The following OSBPL10 variants were observed in gnomAD, a reference collection of about 807,000 sequenced individuals.
OSBPL10 encodes the protein oxysterol-binding protein-related protein 10.
In OSBPL10, 49 loss-of-function variants were observed where a neutral mutation model predicts 81.7. That is an observed-to-expected ratio of 0.60 (90% CI 0.48 to 0.76). The LOEUF (loss-of-function observed/expected upper bound fraction) is 0.76. Ranked by LOEUF, OSBPL10 falls within the 30% of genes least tolerant of loss-of-function variation. The pLI is 0.00. For synonymous variants in OSBPL10, 419 were observed against 383.6 expected, an observed-to-expected ratio of 1.09 and a Z score of -1.08; for missense variants, 923 against 987.8, an observed-to-expected ratio of 0.93 and a Z score of 0.88.
At chr3:31,680,257 T>C (rs753404805) in intron 8 of OSBPL10, among the ~76,000 whole-genome samples, 5 of 152,298 alleles carry the variant, frequency 3.3e-5, no homozygotes, top group African/African-American at 4.8e-5. Flanking sequence ...TGTGTCCATA[T>C]AGGGCTCTAA....
At chr3:31,759,714 T>C (rs1201533184) in intron 4 of OSBPL10, among the ~76,000 whole-genome samples, 1 of 152,168 alleles carries the variant, frequency 6.6e-6, no homozygotes, top group Non-Finnish European at 1.5e-5. Flanking sequence ...ATATTAGCAC[T>C]GTATTCTTAC....
intron 1 of OSBPL10, among the ~76,000 whole-genome samples, chr3:31,923,461 T>C (rs924317155): frequency 2.6e-5 from 4 of 152,188 alleles, no homozygotes; most frequent in Non-Finnish European, 5.9e-5. Context: ...AAAAACTGCC[T>C]CTTTTTCTTC....
intron 2 of OSBPL10, among the ~76,000 whole-genome samples, chr3:32,031,033 T>C (rs986135372): frequency 3.9e-5 from 6 of 152,070 alleles, no homozygotes; most frequent in Non-Finnish European, 7.4e-5. Context: ...CCTGGCGTTG[T>C]GGCAGGTGCC....
At chr3:31,978,982 C>A (rs1010224360) in intron 1 of OSBPL10, among the ~76,000 whole-genome samples, 1 of 152,122 alleles carries the variant, frequency 6.6e-6, no homozygotes, top group African/African-American at 2.4e-5. Flanking sequence ...ATATTGTTCC[C>A]CAGCAAGTAA....
At chr3:31,720,905 G>T (rs946828069) in intron 6 of OSBPL10, among the ~76,000 whole-genome samples, 4 of 126,560 alleles carry the variant, frequency 3.2e-5, no homozygotes, top group Non-Finnish European at 6.4e-5. Context: ...AAAAAAAAAA[G>T]GCCCAAAGAT....
chr3:31,800,408 T>G (rs1008145990), intron 4 of OSBPL10, among the ~76,000 whole-genome samples: 2 of 152,226 alleles, frequency 1.3e-5, no homozygotes, highest in Non-Finnish European at 2.9e-5. Context: ...CGGCAAGCAG[T>G]TGGGCCCAGC....
chr3:32,006,018 C>T (rs1239977134), intron 2 of OSBPL10, among the ~76,000 whole-genome samples: 1 of 151,992 alleles, frequency 6.6e-6, no homozygotes, highest in African/African-American at 2.4e-5. Context: ...CATCTTGGCT[C>T]ACTGCAGCCT....
At chr3:31,875,168 T>G (rs1017157797) in intron 3 of OSBPL10, among the ~76,000 whole-genome samples, 2 of 151,352 alleles carry the variant, frequency 1.3e-5, no homozygotes, top group African/African-American at 4.9e-5. Context: ...TACAGTTATA[T>G]ATACATACAC....
chr3:31,804,763 T>A (rs181983664), intron 4 of OSBPL10, among the ~76,000 whole-genome samples: 4 of 152,342 alleles, frequency 2.6e-5, no homozygotes, highest in Admixed American at 6.5e-5. Context: ...GCATTCGTGA[T>A]CTAAATGAAG....
chr3:31,895,511 T>G (rs1696029911), intron 1 of OSBPL10, among the ~76,000 whole-genome samples: 1 of 151,998 alleles, frequency 6.6e-6, no homozygotes, highest in Admixed American at 6.6e-5. Flanking sequence ...GGGATGAAAC[T>G]CAGGCAGTGG....
chr3:31,989,392 A>T, intron 2 of OSBPL10: 2 of 1,614,226 alleles, frequency 1.2e-6, no homozygotes, highest in Non-Finnish European at 1.7e-6. Flanking sequence ...CTTCCAGAAA[A>T]TTGGGAAAGA....
chr3:31,671,472 T>C (rs1008594439), intron 8 of OSBPL10, among the ~76,000 whole-genome samples: 22 of 152,074 alleles, frequency 1.4e-4, no homozygotes, highest in African/African-American at 5.3e-4. Context: ...ATGATATATA[T>C]AGGTGTGGAG....
At chr3:31,678,092 A>AAAC (rs1251464243) in intron 8 of OSBPL10, among the ~76,000 whole-genome samples, 1 of 148,952 alleles carries the variant, frequency 6.7e-6, no homozygotes, top group African/African-American at 2.5e-5. Context: ...CGTCTCAAAA[A>AAAC]AAAAAAAAAA....
chr3:32,039,427 C>T lies in OSBPL10; in HGVS notation n.298+7064G>A, dbSNP rs909208348. On this transcript the variant is annotated intron_variant and non_coding_transcript_variant, in intron 2 of 3. Coordinates refer to the OSBPL10 transcript ENST00000479173. ...ATCCCAGCACTTTGGGAGGCCGAGG[C>T]GGGCAGATAACAAGGAGGTCAGGAG... Among the ~76,000 whole-genome samples the T allele has an allele frequency of 8.1e-5, 12 of 147,566 alleles. No homozygotes were observed. In the East Asian group the frequency reaches 1.0e-3, roughly 13 times the overall value.
chr3:31,969,565 G>A (rs879679106), intron 1 of OSBPL10: 1 of 152,336 alleles, frequency 6.6e-6, no homozygotes, highest in African/African-American at 2.4e-5. Context: ...TACTTTGGGA[G>A]GCTGAGGTGG....
chr3:31,857,848 G>A (rs1234486701), intron 3 of OSBPL10, among the ~76,000 whole-genome samples: 1 of 118,152 alleles, frequency 8.5e-6, no homozygotes, highest in African/African-American at 3.5e-5. Context: ...GAAAGAGGGA[G>A]GGAAAGAAGG....
At chr3:31,757,661 A>G (rs1044093542) in intron 4 of OSBPL10, among the ~76,000 whole-genome samples, 8 of 152,352 alleles carry the variant, frequency 5.3e-5, no homozygotes, top group East Asian at 1.9e-4. Context: ...TTGCATGTAT[A>G]AGAGCTTTTC....
intron 1 of OSBPL10, among the ~76,000 whole-genome samples, chr3:31,934,239 C>CG (rs1234866417): frequency 6.6e-6 from 1 of 151,596 alleles, no homozygotes. Context: ...GGAGGCTGAG[C>CG]GGGGGAGGAT....
chr3:31,679,861 T>C (rs1360984277), intron 8 of OSBPL10, among the ~76,000 whole-genome samples: 1 of 152,136 alleles, frequency 6.6e-6, no homozygotes, highest in African/African-American at 2.4e-5. Context: ...CATTTCTTAT[T>C]ACAAACTCAA....
Sources: gnomAD v4.1 joint callset for allele counts (sites outside exome capture counted in the v4.1 genomes callset) on GRCh38, gnomAD v4.1.1 for gene constraint, MANE v1.5 for transcripts, NCBI Gene and HGNC (gene_info 2026-07-23, HGNC 2026-07-21) for gene names.